NALF1: variants seen among roughly 807,000 people sequenced by gnomAD.
The protein encoded by NALF1 is NALCN channel auxiliary factor 1, also known as family with sequence similarity 155 member A.
NALF1 carries 3 observed loss-of-function variants against 48.4 expected under a neutral mutation model. The ratio of observed to expected loss-of-function variants is 0.06; its 90% CI spans 0.03 to 0.16. NALF1 has a LOEUF of 0.16. Ranked by LOEUF, NALF1 falls within the 10% of genes least tolerant of loss-of-function variation. NALF1 has a pLI of 1.00. For missense variants in NALF1, 526 were observed against 571.5 expected, an observed-to-expected ratio of 0.92 and a Z score of 0.81; for synonymous variants, 262 against 245.7, an observed-to-expected ratio of 1.07 and a Z score of -0.62.
intron 1 of NALF1, among the ~76,000 whole-genome samples, chr13:107,540,049 T>TGTACACACACACAC (rs1555307598): frequency 4.9e-4 from 74 of 149,512 alleles, no homozygotes; most frequent in African/African-American, 1.4e-3. Context: ...GCTTCTGATG[T>TGTACACACACACAC]ACACACACAC....
At chr13:107,472,263 A>G (rs760216500) in intron 1 of NALF1, among the ~76,000 whole-genome samples, 5 of 152,202 alleles carry the variant, frequency 3.3e-5, no homozygotes, top group Non-Finnish European at 7.3e-5. Context: ...TGGGAGGTGG[A>G]GGTTGCAGTG....
At chr13:107,508,686 A>T (rs1276374784) in intron 1 of NALF1, among the ~76,000 whole-genome samples, 1 of 152,158 alleles carries the variant, frequency 6.6e-6, no homozygotes, top group African/African-American at 2.4e-5. Context: ...AAGCAGCTTC[A>T]CAGATGAGGG....
chr13:107,834,524 T>C (rs909322918), intron 1 of NALF1, among the ~76,000 whole-genome samples: 3 of 152,216 alleles, frequency 2.0e-5, no homozygotes, highest in Admixed American at 6.5e-5. Flanking sequence ...AGGTTGGCAA[T>C]TAATGATGCA....
intron 1 of NALF1, among the ~76,000 whole-genome samples, chr13:107,250,986 T>C (rs1221332404): frequency 6.6e-6 from 1 of 152,168 alleles, no homozygotes; most frequent in Non-Finnish European, 1.5e-5. Flanking sequence ...ATGCCTACTA[T>C]ACAGTCTGCA....
intron 1 of NALF1, among the ~76,000 whole-genome samples, chr13:107,253,419 C>T (rs986430020): frequency 1.3e-5 from 2 of 152,106 alleles, no homozygotes; most frequent in Non-Finnish European, 2.9e-5. Flanking sequence ...TTTTTAGATG[C>T]TCCCATCTCC....
At chr13:107,603,529 T>C (rs1253755336) in intron 1 of NALF1, among the ~76,000 whole-genome samples, 2 of 152,070 alleles carry the variant, frequency 1.3e-5, no homozygotes, top group Admixed American at 6.6e-5. Context: ...CCGAAGTATA[T>C]CAAAACAAAA....
At chr13:107,244,896 T>G (rs1164990505) in intron 1 of NALF1, among the ~76,000 whole-genome samples, 1 of 152,180 alleles carries the variant, frequency 6.6e-6, no homozygotes, top group Non-Finnish European at 1.5e-5. Flanking sequence ...TGATCATCAG[T>G]AGGTAGTGGA....
chr13:107,476,061 T>C (rs1389574298), intron 1 of NALF1, among the ~76,000 whole-genome samples: 1 of 152,284 alleles, frequency 6.6e-6, no homozygotes, highest in Middle Eastern at 3.4e-3. Flanking sequence ...TTTTGAGAAA[T>C]GTATCAGTAC....
Position 107,736,065 on chromosome 13 carries a change from C to T in NALF1, c.915+129617G>A, listed in dbSNP as rs565641640. ...TTTGAGGGCTAAACCAATAGACATG[C>T]GCTGACTGGATCAAAGTTATCATGA... On this transcript the variant is annotated intron_variant, in intron 1 of 2. Transcript: ENST00000375915. 7.2e-5 allele frequency among the ~76,000 whole-genome samples: 11 copies of T among 152,174 alleles called. No individual in the cohort carries two copies. The South Asian group carries it at 1.5e-3, about 20-fold the overall frequency.
intron 1 of NALF1, among the ~76,000 whole-genome samples, chr13:107,366,569 GAC>G (rs781370660): frequency 6.6e-6 from 1 of 152,152 alleles, no homozygotes; most frequent in Non-Finnish European, 1.5e-5. Flanking sequence ...TTCCTTCCAT[GAC>G]ACACTGTTTA....
intron 1 of NALF1, among the ~76,000 whole-genome samples, chr13:107,390,619 A>C (rs540874032): frequency 6.6e-6 from 1 of 152,070 alleles, no homozygotes; most frequent in Non-Finnish European, 1.5e-5. Flanking sequence ...GCCCAGTGGT[A>C]TTTTACTTGA....
At chr13:107,259,318 T>G (rs1880884224) in intron 1 of NALF1, among the ~76,000 whole-genome samples, 1 of 152,220 alleles carries the variant, frequency 6.6e-6, no homozygotes, top group South Asian at 2.1e-4. Flanking sequence ...CCCAGGGATC[T>G]ATCACTGAAG....
intron 2 of NALF1, among the ~76,000 whole-genome samples, chr13:107,191,820 T>C (rs1479303005): frequency 2.0e-5 from 3 of 148,370 alleles, no homozygotes; most frequent in Non-Finnish European, 4.4e-5. Flanking sequence ...TACAGGCTTG[T>C]GCCACTATGC....
intron 1 of NALF1, among the ~76,000 whole-genome samples, chr13:107,551,727 CCT>C (rs1051201385): frequency 1.6e-4 from 25 of 152,036 alleles, no homozygotes; most frequent in African/African-American, 5.8e-4. Flanking sequence ...TTAACAGTAA[CCT>C]CTTAGTGACC....
intron 1 of NALF1, among the ~76,000 whole-genome samples, chr13:107,535,099 C>A (rs1248942561): frequency 2.6e-5 from 4 of 152,072 alleles, no homozygotes; most frequent in Non-Finnish European, 4.4e-5. Context: ...GATGATGGGG[C>A]TAAATATACA....
At chr13:107,739,667 A>G (rs963763940) in intron 1 of NALF1, among the ~76,000 whole-genome samples, 3 of 152,170 alleles carry the variant, frequency 2.0e-5, no homozygotes, top group Non-Finnish European at 4.4e-5. Context: ...ACTGAACTCT[A>G]TAGTGGAGGA....
chr13:107,565,549 A>C (rs1877787341), intron 1 of NALF1, among the ~76,000 whole-genome samples: 1 of 152,362 alleles, frequency 6.6e-6, no homozygotes, highest in East Asian at 1.9e-4. Flanking sequence ...TATTTTGAGA[A>C]GAATGCAGTC....
intron 1 of NALF1, among the ~76,000 whole-genome samples, chr13:107,813,291 T>A (rs1029554320): frequency 1.3e-5 from 2 of 152,200 alleles, no homozygotes; most frequent in African/African-American, 2.4e-5. Context: ...ATGACTGTTA[T>A]ATTCTGCAAC....
intron 1 of NALF1, among the ~76,000 whole-genome samples, chr13:107,325,871 T>TAC: frequency 1.0e-5 from 1 of 95,286 alleles, no homozygotes; most frequent in Admixed American, 1.2e-4. Flanking sequence ...TATATATATA[T>TAC]ATATATATAT....
Sources: allele counts gnomAD v4.1 joint callset (sites outside exome capture counted in the v4.1 genomes callset), GRCh38; gene constraint gnomAD v4.1.1; transcripts MANE v1.5; gene names NCBI Gene and HGNC (gene_info 2026-07-23, HGNC 2026-07-21).